Variants in NUBPL observed in about 807,000 individuals in gnomAD.
The protein encoded by NUBPL is NUBP iron-sulfur cluster assembly factor, mitochondrial, also known as iron-sulfur cluster transfer protein NUBPL.
In NUBPL, 31 loss-of-function variants were observed where a neutral mutation model predicts 45.7. The ratio of observed to expected loss-of-function variants is 0.68; its 90% CI spans 0.51 to 0.92. The LOEUF is 0.92. Among genes scored for constraint, NUBPL ranks in the 40% least tolerant of loss-of-function variants. NUBPL has a pLI of 0.00. For synonymous variants in NUBPL, 144 were observed against 140.9 expected, an observed-to-expected ratio of 1.02 and a Z score of -0.15; for missense variants, 401 against 398.7, an observed-to-expected ratio of 1.01 and a Z score of -0.05.
chr14:31,677,240 A>G (rs541359269), intron 6 of NUBPL, among the ~76,000 whole-genome samples: 1 of 152,176 alleles, frequency 6.6e-6, no homozygotes, highest in Non-Finnish European at 1.5e-5. Context: ...ATTTTTTACT[A>G]TAACTACAGT....
chr14:31,737,501 G>A (rs928615293), intron 6 of NUBPL, among the ~76,000 whole-genome samples: 7 of 152,008 alleles, frequency 4.6e-5, no homozygotes, highest in Admixed American at 4.6e-4. Flanking sequence ...AAATAATTCG[G>A]GTTTGGCACA....
At chr14:31,625,477 CTTTTT>C (rs34987045) in intron 4 of NUBPL, among the ~76,000 whole-genome samples, 1 of 137,776 alleles carries the variant, frequency 7.3e-6, no homozygotes. Flanking sequence ...TCTTTTCTTT[CTTTTT>C]TTTTTTTTTT....
At chr14:31,783,515 C>CTTTTTT (rs71430995) in intron 6 of NUBPL, among the ~76,000 whole-genome samples, 5 of 129,216 alleles carry the variant, frequency 3.9e-5, no homozygotes, top group Admixed American at 8.2e-5. Flanking sequence ...AATAGCAGTT[C>CTTTTTT]TTTTTTTTTT....
intron 4 of NUBPL, among the ~76,000 whole-genome samples, chr14:31,642,332 T>G (rs1417712606): frequency 6.6e-6 from 1 of 152,204 alleles, no homozygotes; most frequent in African/African-American, 2.4e-5. Context: ...CACTTAAATA[T>G]TTAATCCGTT....
At chr14:31,656,833 T>A (rs1350029000) in intron 4 of NUBPL, among the ~76,000 whole-genome samples, 1 of 152,208 alleles carries the variant, frequency 6.6e-6, no homozygotes, top group Non-Finnish European at 1.5e-5. Context: ...CCAATAGACT[T>A]GCTCAATGTA....
chr14:31,680,817 T>C (rs1375448495), intron 6 of NUBPL, among the ~76,000 whole-genome samples: 1 of 152,134 alleles, frequency 6.6e-6, no homozygotes, highest in East Asian at 1.9e-4. Context: ...GATAAGTCTG[T>C]ACATATTCAG....
chr14:31,720,954 G>A (rs2037795290), intron 6 of NUBPL, among the ~76,000 whole-genome samples: 1 of 152,170 alleles, frequency 6.6e-6, no homozygotes, highest in African/African-American at 2.4e-5. Flanking sequence ...TTCCTTCATA[G>A]TAAGTGAGGG....
At chr14:31,622,780 G>A (rs2035100057) in intron 4 of NUBPL, among the ~76,000 whole-genome samples, 1 of 152,262 alleles carries the variant, frequency 6.6e-6, no homozygotes, top group African/African-American at 2.4e-5. Context: ...TGGATGTCCA[G>A]GCAGAAGTCT....
chr14:31,661,740 C>T (rs1448986746), intron 4 of NUBPL, among the ~76,000 whole-genome samples: 1 of 152,134 alleles, frequency 6.6e-6, no homozygotes, highest in South Asian at 2.1e-4. Flanking sequence ...CGGGGTTTCA[C>T]CATGTTGGCC....
At chr14:31,600,030 T>C (rs1225167591) in intron 4 of NUBPL, among the ~76,000 whole-genome samples, 1 of 151,534 alleles carries the variant, frequency 6.6e-6, no homozygotes, top group African/African-American at 2.4e-5. Context: ...CAAGTGATTC[T>C]CCTGCCTCAG....
rs2138834687 is a variant in NUBPL, at chr14:31,792,353, G to A, written c.607+4480G>A. On this transcript the variant is annotated intron_variant, in intron 7 of 10. Coordinates refer to ENST00000281081, the MANE Select transcript of NUBPL (RefSeq NM_025152.3). ...TCAGTAATTTTTTTGAGTCCTGAAA[G>A]ACTACTTTGGGCCTCTTTAACTCAC... 1.3e-5 allele frequency among the ~76,000 whole-genome samples: 2 copies of A among 152,290 alleles called. 1 individual carries two copies. The highest frequency in any genetic ancestry group is 3.9e-4 in the East Asian group (2 of 5,188).
intron 6 of NUBPL, among the ~76,000 whole-genome samples, chr14:31,716,725 G>A (rs1430173634): frequency 6.6e-6 from 1 of 152,194 alleles, no homozygotes; most frequent in African/African-American, 2.4e-5. Context: ...ACTGTCCTAT[G>A]GATATCTCAA....
intron 8 of NUBPL, among the ~76,000 whole-genome samples, chr14:31,837,810 AT>A (rs1445444345): frequency 1.3e-5 from 2 of 152,194 alleles, no homozygotes; most frequent in Non-Finnish European, 2.9e-5. Context: ...AACTTTATTA[AT>A]AATTATGGCA....
chr14:31,757,589 C>T (rs1289665446), intron 6 of NUBPL, among the ~76,000 whole-genome samples: 1 of 151,966 alleles, frequency 6.6e-6, no homozygotes, highest in Non-Finnish European at 1.5e-5. Flanking sequence ...TGCTAAAATA[C>T]ATGTAGATGA....
intron 2 of NUBPL, among the ~76,000 whole-genome samples, chr14:31,564,458 G>A (rs1298890698): frequency 1.3e-5 from 2 of 150,148 alleles, no homozygotes; most frequent in African/African-American, 4.9e-5. Flanking sequence ...GGGAGGCTGA[G>A]GTGGGAGGAT....
chr14:31,759,079 A>G (rs1417745259), intron 6 of NUBPL, among the ~76,000 whole-genome samples: 1 of 152,004 alleles, frequency 6.6e-6, no homozygotes, highest in Non-Finnish European at 1.5e-5. Context: ...TAAAAAAAAC[A>G]AAAAACAAAA....
chr14:31,562,070 G>A lies in NUBPL; in HGVS notation c.111G>A (p.Leu37=). The change falls in exon 2 of 11, where the codon TTG becomes TTA. Residue 37 remains leucine, a splice_region_variant and synonymous_variant. Coordinates refer to ENST00000281081, the MANE Select transcript of NUBPL (RefSeq NM_025152.3). ...GSRAMVCGRQ[L]SGAGSETLKQ... is the part of the protein sequence containing the mutation. The stretch of plus-strand genomic sequence containing the variant: ...TTTATTATTATTATTTTTTAAAGTT[G>A]TCTGGCGCCGGGAGTGAGACCCTAA... 2 of 1,587,768 alleles carry A rather than the reference G, an allele frequency of 1.3e-6. No homozygotes were observed. Among genetic ancestry groups the A allele is most frequent in the Admixed American group, 3.5e-5 (2 of 56,506 alleles).
At chr14:31,569,189 T>TTTTTTG (rs932690888) in intron 3 of NUBPL, among the ~76,000 whole-genome samples, 16 of 152,112 alleles carry the variant, frequency 1.1e-4, no homozygotes, top group African/African-American at 3.4e-4. Context: ...AGATTGAGTT[T>TTTTTTG]TTTTTGTTTT....
At chr14:31,730,564 C>T (rs567177278) in intron 6 of NUBPL, among the ~76,000 whole-genome samples, 21 of 151,588 alleles carry the variant, frequency 1.4e-4, no homozygotes, top group South Asian at 6.3e-4. Context: ...CCTGGGTTCA[C>T]GCCATTCTCC....
Sources: gnomAD v4.1 joint callset for allele counts (sites outside exome capture counted in the v4.1 genomes callset) on GRCh38, gnomAD v4.1.1 for gene constraint, MANE v1.5 for transcripts, NCBI Gene and HGNC (gene_info 2026-07-23, HGNC 2026-07-21) for gene names.